CHRND: variants seen among roughly 807,000 people sequenced by gnomAD.
The protein encoded by CHRND is acetylcholine receptor subunit delta.
In CHRND, 40 loss-of-function variants were observed where a neutral mutation model predicts 57.8. The observed-to-expected ratio is 0.69, with a 90% CI of 0.54 to 0.90. CHRND has a LOEUF of 0.90. Ranked by LOEUF, CHRND falls within the 40% of genes least tolerant of loss-of-function variation. The pLI, the probability that CHRND is intolerant of heterozygous loss-of-function variation, is 0.00. For missense variants in CHRND, 634 were observed against 673.9 expected (o/e 0.94, Z 0.66); for synonymous variants, 237 against 270.6 (o/e 0.88, Z 1.22).
At position 232,536,516 on chromosome 2, in the gene CHRND, G is replaced by A. The variant is rs1411492690; in HGVS notation, c.*1204G>A. On this transcript the variant is annotated 3_prime_UTR_variant, in exon 12 of 12. Transcript: ENST00000258385. ...ATGTGGAAGTGGATCCTCTGCCCCA[G>A]TAGGGCCTTCGGATGAGATCACAGC... 2.2e-6 allele frequency: 1 copy of A among 452,450 alleles called. No individual in the cohort carries two copies. The allele number at this position is 452,450 out of a possible 1,614,324, so 28.0% of individuals were successfully genotyped here. A position where few individuals can be genotyped will look rare whatever the true frequency, so the allele number is the denominator to read the frequency against.
chr2:232,530,217 A>C, intron 7 of CHRND, 78 bp downstream of exon 7: 1 of 1,483,478 alleles, frequency 6.7e-7, no homozygotes. Context: ...CTGCCCCCTC[A>C]CTTCCTCCTG....
In CHRND at chr2:232,530,171, C is replaced by T. The variant is rs368783371; in HGVS notation, c.820+32C>T. On this transcript the variant is annotated intron_variant, in intron 7 of 11. Coordinates refer to ENST00000258385, the MANE Select transcript of CHRND (RefSeq NM_000751.3). ...CTCCAGGCCCCGTCCCCTGCTCCCC[C>T]TCCCCAAGCCCACCTGAGCACAGCC... 4.5e-5 allele frequency: 72 copies of T among 1,605,572 alleles called. 1 individual carries two copies. The African/African-American group carries it at 6.0e-4, about 13-fold the overall frequency.
In CHRND at chr2:232,529,431, C is replaced by T. The variant is rs143441830; in HGVS notation, c.619+460C>T. Among the ~76,000 whole-genome samples the T allele has an allele frequency of 2.1e-3, 324 of 152,332 alleles. 10 individuals carry two copies. In the South Asian group the frequency reaches 0.056, roughly 26 times the overall value. On this transcript the variant is annotated intron_variant, in intron 6 of 11. Coordinates refer to ENST00000258385, the MANE Select transcript of CHRND (RefSeq NM_000751.3). Reference sequence around the variant, plus strand: ...GATCCTCCATGGGGCCTACCACTTGCCCTGTCCATCAGAAGGGACCCTGTC... The same window carrying T: ...GATCCTCCATGGGGCCTACCACTTGTCCTGTCCATCAGAAGGGACCCTGTC...
chr2:232,529,817 C>G, intron 6 of CHRND, 122 bp from the exon 7 acceptor site: 1 of 1,019,492 alleles, frequency 9.8e-7, no homozygotes, highest in Non-Finnish European at 1.5e-6. Context: ...AACGGGACCC[C>G]GTAGACAGCC....
At chr2:232,531,946 CAAAAAAAAA>C (rs778006115) in intron 9 of CHRND, among the ~76,000 whole-genome samples, 14 of 46,042 alleles carry the variant, frequency 3.0e-4, no homozygotes, top group African/African-American at 1.3e-3. Flanking sequence ...GACCTTGTCT[CAAAAAAAAA>C]AAAAAAAAAA....
chr2:232,526,871 A>G (rs1691492588), intron 2 of CHRND, among the ~76,000 whole-genome samples, 197 bp downstream of exon 2: 1 of 151,994 alleles, frequency 6.6e-6, no homozygotes, highest in Non-Finnish European at 1.5e-5. Flanking sequence ...TCCCCCAACC[A>G]CACCCATAGC....
In CHRND at chr2:232,536,057, G is replaced by A. The variant is rs1336166409; in HGVS notation, c.*745G>A. ...GCATACATATTCTAAAAAATCATTC[G>A]TTGTTTCTCTGAAATTTGTCCCCTA... On this transcript the variant is annotated 3_prime_UTR_variant, in exon 12 of 12. Transcript: ENST00000258385. 1.1e-5 allele frequency: 5 copies of A among 453,970 alleles called. No homozygotes were observed. The highest frequency in any genetic ancestry group is 1.8e-5 in the Non-Finnish European group (4 of 226,804). The allele number at this position is 453,970 out of a possible 1,614,324, so 28.1% of individuals were successfully genotyped here.
chr2:232,535,362 A>G lies in CHRND; in HGVS notation c.*50A>G, dbSNP rs759402706. On this transcript the variant is annotated 3_prime_UTR_variant, in exon 12 of 12. Transcript: ENST00000258385. ...GACAGCAGGGTCTGAGAGAGGAGCC[A>G]CAGTCCCTAATGACACCCACTCCTA... 2.5e-6 allele frequency: 4 copies of G among 1,599,302 alleles called. No homozygotes were observed. Among genetic ancestry groups the G allele is most frequent in the Non-Finnish European group, 3.4e-6 (4 of 1,174,484 alleles).
At chr2:232,530,243 C>A in intron 7 of CHRND, 104 bp downstream of exon 7, 1 of 1,242,056 alleles carries the variant, frequency 8.1e-7, no homozygotes, top group Non-Finnish European at 1.2e-6. Context: ...CACCTGGGGT[C>A]TCCATTCCTG....
At chr2:232,534,911 T>C (rs973835908) in intron 11 of CHRND, among the ~76,000 whole-genome samples, 6 of 152,204 alleles carry the variant, frequency 3.9e-5, no homozygotes, top group African/African-American at 1.2e-4. Context: ...AGGGAGGCTA[T>C]GGTCTGTTCC....
In CHRND at chr2:232,535,161, C is replaced by T. The variant is rs374459301; in HGVS notation, c.1403C>T (p.Thr468Ile). Residue 468 changes from threonine to isoleucine, a missense_variant, in exon 12 of 12, where the codon ACA becomes ATA. Transcript: ENST00000258385. ...EKDSWNRVAR[T>I]VDRLCLFVVT... ...GACAGCTGGAACCGAGTGGCCCGCA[C>T]AGTGGACCGCCTCTGCCTGTTTGTG... The T allele has an allele frequency of 4.3e-6, 7 of 1,614,092 alleles. No homozygotes were observed. The highest frequency in any genetic ancestry group is 5.9e-6 in the Non-Finnish European group (7 of 1,180,046).
intron 5 of CHRND, 86 bp downstream of exon 5, chr2:232,528,742 C>T (rs911218125): frequency 1.3e-6 from 2 of 1,589,480 alleles, no homozygotes; most frequent in East Asian, 4.5e-5. Context: ...CAGACAGAGG[C>T]CCCTGCCCTG....
At position 232,533,231 on chromosome 2, in the gene CHRND, G is replaced by C. The variant is rs137864180; in HGVS notation, c.1048-700G>C. On this transcript the variant is annotated intron_variant, in intron 9 of 11. Coordinates refer to ENST00000258385, the MANE Select transcript of CHRND (RefSeq NM_000751.3). ...CGATGGGTTTCACCACGTTGGCCAT[G>C]CTGGTCTCGAACTCCTGACCTCAAG... Among the ~76,000 whole-genome samples, 843 of 152,304 alleles carry C rather than the reference G, an allele frequency of 5.5e-3. 5 individuals are homozygous for C. Among genetic ancestry groups the C allele is most frequent in the African/African-American group, 0.019 (796 of 41,568 alleles).
rs564115750 is a variant in CHRND, at chr2:232,533,029, T to C, written c.1048-902T>C. 3.9e-5 allele frequency among the ~76,000 whole-genome samples: 6 copies of C among 152,190 alleles called. No individual in the cohort carries two copies. The East Asian group carries it at 1.2e-3, about 29-fold the overall frequency. The stretch of plus-strand genomic sequence containing the variant: ...TGAAGGCAGTTTAGCAACTCTTTTT[T>C]TTCTTTTTTGAGATGGAGTCTCCCT... On this transcript the variant is annotated intron_variant, in intron 9 of 11. Coordinates refer to ENST00000258385, the MANE Select transcript of CHRND (RefSeq NM_000751.3).
chr2:232,526,783 C>G (rs570575943), intron 2 of CHRND, 109 bp downstream of exon 2: 2 of 1,170,732 alleles, frequency 1.7e-6, no homozygotes, highest in African/African-American at 3.0e-5. Flanking sequence ...TGGCCACTCC[C>G]TTCCTGGGAA....
chr2:232,526,363 C>T, intron 1 of CHRND, 96 bp downstream of exon 1: 9 of 1,522,416 alleles, frequency 5.9e-6, no homozygotes, highest in African/African-American at 1.4e-5. Flanking sequence ...CCCACTCTGC[C>T]ATCTCTCCCT....
In CHRND at chr2:232,536,399, C is replaced by T. The variant is rs193044044; in HGVS notation, c.*1087C>T. 2.2e-6 allele frequency: 1 copy of T among 454,130 alleles called. No individual in the cohort carries two copies. The highest frequency in any genetic ancestry group is 1.6e-5 in the South Asian group (1 of 64,484). 28.1% of individuals were successfully genotyped at this position (454,130 alleles called of 1,614,324 possible). A position where few individuals can be genotyped will look rare whatever the true frequency, so the allele number is the denominator to read the frequency against. The stretch of plus-strand genomic sequence containing the variant: ...ATTCTCACATCAGTTGGATCTCTCA[C>T]TTTGGGGAAGCCAGCTGGCATGTTA... On this transcript the variant is annotated 3_prime_UTR_variant, in exon 12 of 12. Coordinates refer to ENST00000258385, the MANE Select transcript of CHRND (RefSeq NM_000751.3).
At chr2:232,533,011 A>G (rs1691763246) in intron 9 of CHRND, among the ~76,000 whole-genome samples, 1 of 152,164 alleles carries the variant, frequency 6.6e-6, no homozygotes, top group South Asian at 2.1e-4. Context: ...AGCTGAAGGC[A>G]GTTTAGCAAC....
In CHRND at chr2:232,536,003, CA is replaced by C; in HGVS notation, c.*694del. 2.2e-6 allele frequency: 1 copy of C among 454,136 alleles called. No individual in the cohort carries two copies. Among genetic ancestry groups the C allele is most frequent in the South Asian group, 1.6e-5 (1 of 64,474 alleles). 28.1% of individuals were successfully genotyped at this position (454,136 alleles called of 1,614,324 possible). On this transcript the variant is annotated 3_prime_UTR_variant, in exon 12 of 12. Transcript: ENST00000258385. ...CTGCCCCCCAGCACCTACTCCTCTCCAAATTAGGGTTGTCATGCATTATTTG... is the reference window on the plus strand; with the variant it reads ...CTGCCCCCCAGCACCTACTCCTCTCCAATTAGGGTTGTCATGCATTATTTG...
Sources: allele counts gnomAD v4.1 joint callset (sites outside exome capture counted in the v4.1 genomes callset), GRCh38; gene constraint gnomAD v4.1.1; transcripts MANE v1.5; gene names NCBI Gene and HGNC (gene_info 2026-07-23, HGNC 2026-07-21).